TNPO1: variants seen among roughly 807,000 people sequenced by gnomAD.
TNPO1 encodes transportin 1.
In TNPO1, 8 loss-of-function variants were observed where a neutral mutation model predicts 119.5. The observed-to-expected ratio is 0.07, with a 90% CI of 0.04 to 0.12. The LOEUF (loss-of-function observed/expected upper bound fraction) is 0.12. Ranked by LOEUF, TNPO1 falls within the 10% of genes least tolerant of loss-of-function variation. The pLI is 1.00. For missense variants in TNPO1, 576 were observed against 1,089.8 expected, an observed-to-expected ratio of 0.53 and a Z score of 6.64; for synonymous variants, 362 against 363.0, an observed-to-expected ratio of 1.00 and a Z score of 0.03.
chr5:72,905,972 C>T (rs4521451), intron 24 of TNPO1, among the ~76,000 whole-genome samples: 1 of 152,104 alleles, frequency 6.6e-6, no homozygotes, highest in African/African-American at 2.4e-5. Flanking sequence ...CCCAGAAAAA[C>T]GATTAGCTCC....
intron 16 of TNPO1, 65 bp from the exon 17 acceptor site, chr5:72,893,312 G>A: frequency 1.2e-6 from 2 of 1,605,516 alleles, no homozygotes; most frequent in Non-Finnish European, 1.7e-6. Flanking sequence ...TAGGTATAAT[G>A]TATACAGACT....
At chr5:72,824,086 C>T (rs1425580797) in intron 1 of TNPO1, among the ~76,000 whole-genome samples, 2 of 152,212 alleles carry the variant, frequency 1.3e-5, no homozygotes, top group East Asian at 3.8e-4. Flanking sequence ...CTGCTCAGTA[C>T]ATGGCTGTCT....
At chr5:72,836,811 A>G (rs1226740756) in intron 1 of TNPO1, among the ~76,000 whole-genome samples, 1 of 152,192 alleles carries the variant, frequency 6.6e-6, no homozygotes, top group Non-Finnish European at 1.5e-5. Context: ...ATCACTCTTA[A>G]GTCCTGCCTT....
rs1387277158 is a variant in TNPO1 at position 72,910,353 on chromosome 5, C to A, written c.*1680C>A. 1 of 152,494 alleles carries A rather than the reference C, an allele frequency of 6.6e-6. No homozygotes were observed. The allele number at this position is 152,494 out of a possible 1,614,324, so 9.4% of individuals were successfully genotyped here. On this transcript the variant is annotated 3_prime_UTR_variant, in exon 25 of 25. Coordinates refer to ENST00000337273, the MANE Select transcript of TNPO1 (RefSeq NM_002270.4). Reference sequence around the variant, plus strand: ...TTACTTTTCCTTCCATGTGTATTTTCTTATATACTGTGAATGTGAAAACCT... The same window carrying A: ...TTACTTTTCCTTCCATGTGTATTTTATTATATACTGTGAATGTGAAAACCT...
chr5:72,836,533 C>T (rs1261499197), intron 1 of TNPO1, among the ~76,000 whole-genome samples: 2 of 152,142 alleles, frequency 1.3e-5, no homozygotes, highest in Non-Finnish European at 2.9e-5. Context: ...ACATTCTGGG[C>T]TTATAATAGG....
rs372474300 is a variant in TNPO1 at position 72,874,124 on chromosome 5, T to C, written c.678+1404T>C. On this transcript the variant is annotated intron_variant, in intron 7 of 24. Coordinates refer to ENST00000337273, the MANE Select transcript of TNPO1 (RefSeq NM_002270.4). ...TTTCTAACATTTTAAAATATTTTGC[T>C]TTACTATTAAATATGTTAATATTTG... Among the ~76,000 whole-genome samples the C allele has an allele frequency of 2.0e-5, 3 of 152,260 alleles. No homozygotes were observed. The East Asian group carries it at 5.8e-4, about 29-fold the overall frequency.
chr5:72,856,282 G>A (rs1323604998), intron 4 of TNPO1, among the ~76,000 whole-genome samples: 1 of 151,928 alleles, frequency 6.6e-6, no homozygotes, highest in Non-Finnish European at 1.5e-5. Flanking sequence ...CCCAGGCTGG[G>A]GTACAGTGGC....
At chr5:72,885,476 C>T (rs1024571438) in intron 11 of TNPO1, among the ~76,000 whole-genome samples, 7 of 152,206 alleles carry the variant, frequency 4.6e-5, no homozygotes, top group East Asian at 1.9e-4. Flanking sequence ...CTTTTCTGTG[C>T]GTGCTTGGGA....
chr5:72,904,622 G>A (rs906582126), intron 23 of TNPO1, among the ~76,000 whole-genome samples: 2 of 151,874 alleles, frequency 1.3e-5, no homozygotes, highest in Non-Finnish European at 2.9e-5. Flanking sequence ...ATGGTGAAAC[G>A]CCATCTCTAC....
chr5:72,908,098 T>C (rs963893961), intron 24 of TNPO1, among the ~76,000 whole-genome samples: 1 of 152,052 alleles, frequency 6.6e-6, no homozygotes, highest in Non-Finnish European at 1.5e-5. Context: ...CTCTCTCTCT[T>C]TTTTTATGTA....
chr5:72,869,816 TTAAC>T (rs1380108283), intron 6 of TNPO1, among the ~76,000 whole-genome samples: 1 of 152,262 alleles, frequency 6.6e-6, no homozygotes, highest in African/African-American at 2.4e-5. Flanking sequence ...ACAGATCTAA[TTAAC>T]AAATTGATAT....
chr5:72,840,592 G>A (rs1476707352), intron 1 of TNPO1, among the ~76,000 whole-genome samples: 1 of 152,186 alleles, frequency 6.6e-6, no homozygotes, highest in African/African-American at 2.4e-5. Flanking sequence ...TAGTGCTGTT[G>A]TGAATATTAA....
chr5:72,824,231 A>G (rs1166266924), intron 1 of TNPO1, among the ~76,000 whole-genome samples: 1 of 152,202 alleles, frequency 6.6e-6, no homozygotes, highest in African/African-American at 2.4e-5. Context: ...TTTTTATTGA[A>G]TCATTTCTAT....
chr5:72,838,655 TG>T (rs1306933494), intron 1 of TNPO1, among the ~76,000 whole-genome samples: 2 of 152,202 alleles, frequency 1.3e-5, no homozygotes, highest in Non-Finnish European at 2.9e-5. Context: ...CCATCTTTTA[TG>T]CATGTCATCA....
In TNPO1 at chr5:72,908,875, G is replaced by A. The variant is rs772659762; in HGVS notation, c.*202G>A. On this transcript the variant is annotated 3_prime_UTR_variant, in exon 25 of 25. Coordinates refer to ENST00000337273, the MANE Select transcript of TNPO1 (RefSeq NM_002270.4). ...CTGTATTAAGTCGATGTTGGGAAAC[G>A]TTTTAACATCTGGAGCCTTTGTGGG... The A allele has an allele frequency of 2.2e-5, 10 of 452,660 alleles. No individual in the cohort carries two copies. In the Middle Eastern group the frequency reaches 9.9e-4, roughly 45 times the overall value. The allele number at this position is 452,660 out of a possible 1,614,324, so 28.0% of individuals were successfully genotyped here.
chr5:72,903,494 T>C (rs996589080), intron 22 of TNPO1, among the ~76,000 whole-genome samples: 3 of 152,200 alleles, frequency 2.0e-5, no homozygotes, highest in Admixed American at 6.5e-5. Flanking sequence ...TAAAGTCCAG[T>C]ATAAACTGAA....
intron 6 of TNPO1, among the ~76,000 whole-genome samples, chr5:72,871,596 T>A (rs1747408463): frequency 6.6e-6 from 1 of 152,216 alleles, no homozygotes; most frequent in African/African-American, 2.4e-5. Flanking sequence ...GATTCAGAGA[T>A]ACTTTATGTA....
intron 11 of TNPO1, among the ~76,000 whole-genome samples, chr5:72,886,113 A>C (rs1748607516): frequency 6.6e-6 from 1 of 152,180 alleles, no homozygotes; most frequent in Non-Finnish European, 1.5e-5. Flanking sequence ...TTTCTAATAC[A>C]TGAACTTCAG....
At chr5:72,858,622 G>A (rs1746179553) in intron 4 of TNPO1, among the ~76,000 whole-genome samples, 1 of 152,124 alleles carries the variant, frequency 6.6e-6, no homozygotes. Context: ...CGGATCACGA[G>A]GTCAGGAGAT....
Sources: allele counts gnomAD v4.1 joint callset (sites outside exome capture counted in the v4.1 genomes callset), GRCh38; gene constraint gnomAD v4.1.1; transcripts MANE v1.5; gene names NCBI Gene and HGNC (gene_info 2026-07-23, HGNC 2026-07-21).